The following TBCD variants were observed in gnomAD, a reference collection of about 807,000 sequenced individuals.
The protein encoded by TBCD is tubulin folding cofactor D.
TBCD carries 105 observed loss-of-function variants against 169.3 expected under a neutral mutation model. The observed-to-expected ratio is 0.62, with a 90% CI of 0.53 to 0.73. The LOEUF is 0.73. Ranked by LOEUF, TBCD falls within the 30% of genes least tolerant of loss-of-function variation. TBCD has a pLI of 0.00. For synonymous variants in TBCD, 700 were observed against 643.9 expected (o/e 1.09, Z -1.32); for missense variants, 1,444 against 1,600.1 (o/e 0.90, Z 1.66).
intron 17 of TBCD, among the ~76,000 whole-genome samples, chr17:82,898,973 C>A (rs977741722): frequency 2.6e-5 from 4 of 152,266 alleles, no homozygotes; most frequent in Non-Finnish European, 5.9e-5. Flanking sequence ...TCCTTCCCCC[C>A]AGCCTGTGTG....
rs943627683 is a variant in TBCD, at chr17:82,806,320, T to A, written c.1087+309T>A. Among the ~76,000 whole-genome samples the A allele has an allele frequency of 2.0e-5, 3 of 152,096 alleles. No individual in the cohort carries two copies. Among genetic ancestry groups the A allele is most frequent in the African/African-American group, 7.2e-5 (3 of 41,408 alleles). ...GAAACAGTTCTCCCAGGAAATTGAGTTGGGGTCCCTGGGGCTCAGGTCTCT... is the reference window on the plus strand; with the variant it reads ...GAAACAGTTCTCCCAGGAAATTGAGATGGGGTCCCTGGGGCTCAGGTCTCT... On this transcript the variant is annotated intron_variant, in intron 10 of 38. Coordinates refer to ENST00000355528, the MANE Select transcript of TBCD (RefSeq NM_005993.5). The surrounding 1 kb of genome is among the most constrained non-coding windows in gnomAD (Gnocchi z 5.1).
Position 82,874,068 on chromosome 17 carries a change from C to A in TBCD, c.1475+3688C>A, listed in dbSNP as rs537701862. Reference sequence around the variant, plus strand: ...ACGTGTGGACCGGCACGGGCATGGTCGTGGTCTGCCCAGCTGGGTGTGGGG... The same window carrying A: ...ACGTGTGGACCGGCACGGGCATGGTAGTGGTCTGCCCAGCTGGGTGTGGGG... On this transcript the variant is annotated intron_variant, in intron 14 of 38. Coordinates refer to ENST00000355528, the MANE Select transcript of TBCD (RefSeq NM_005993.5). This position sits in a 1 kb window ranked among gnomAD's most constrained non-coding sequence, Gnocchi z 5.0. 6.6e-6 allele frequency among the ~76,000 whole-genome samples: 1 copy of A among 152,290 alleles called. No homozygotes were observed. Among genetic ancestry groups the A allele is most frequent in the African/African-American group, 2.4e-5 (1 of 41,566 alleles).
intron 36 of TBCD, among the ~76,000 whole-genome samples, chr17:82,938,468 C>T (rs2062820978): frequency 6.6e-6 from 1 of 152,226 alleles, no homozygotes; most frequent in South Asian, 2.1e-4. Context: ...ATCCCCAGCA[C>T]TCCCCGGCTA....
At chr17:82,770,246 T>C (rs1486958730) in intron 5 of TBCD, among the ~76,000 whole-genome samples, 1 of 152,226 alleles carries the variant, frequency 6.6e-6, no homozygotes, top group Admixed American at 6.5e-5. Context: ...TGTAATCTAA[T>C]TTAAAATTCT....
At chr17:82,775,266 T>C (rs1440882474) in intron 6 of TBCD, among the ~76,000 whole-genome samples, 1 of 152,172 alleles carries the variant, frequency 6.6e-6, no homozygotes, top group African/African-American at 2.4e-5. Flanking sequence ...GTGGAGCCTT[T>C]CTCCCCCTTG....
At chr17:82,899,476 G>A (rs1476856686) in intron 17 of TBCD, among the ~76,000 whole-genome samples, 4 of 152,138 alleles carry the variant, frequency 2.6e-5, no homozygotes, top group Admixed American at 1.3e-4. Context: ...TCCGCAGCGC[G>A]TGTGTCTGCA....
intron 24 of TBCD, 98 bp from the exon 25 acceptor site, chr17:82,921,403 G>T: frequency 1.0e-6 from 1 of 967,078 alleles, no homozygotes; most frequent in South Asian, 1.3e-5. Flanking sequence ...GGTTACCATC[G>T]ACTTTAAGAT....
chr17:82,871,974 C>T (rs563305146), intron 14 of TBCD, among the ~76,000 whole-genome samples: 270 of 152,266 alleles, frequency 1.8e-3, no homozygotes, highest in African/African-American at 5.7e-3. Flanking sequence ...GTGTAGGCTC[C>T]GAAGGGTCTC....
At chr17:82,761,978 C>T (rs1244534644) in intron 2 of TBCD, among the ~76,000 whole-genome samples, 1 of 151,672 alleles carries the variant, frequency 6.6e-6, no homozygotes, top group Non-Finnish European at 1.5e-5. Flanking sequence ...CCGCCCGCCT[C>T]AGCCTTCCAA....
intron 7 of TBCD, among the ~76,000 whole-genome samples, chr17:82,791,702 G>A (rs1045490098): frequency 1.3e-5 from 2 of 152,226 alleles, no homozygotes; most frequent in Admixed American, 6.5e-5. Flanking sequence ...AGGTCACTAC[G>A]TGGGCTGCTG....
intron 29 of TBCD, 86 bp from the exon 30 acceptor site, chr17:82,927,819 C>A (rs767404462): frequency 1.6e-6 from 2 of 1,241,304 alleles, no homozygotes; most frequent in Non-Finnish European, 2.3e-6. Flanking sequence ...GTGTCGAATT[C>A]ACACAGGCTG....
chr17:82,860,525 T>C (rs1336969098), intron 13 of TBCD: 2 of 856,530 alleles, frequency 2.3e-6, no homozygotes, highest in Admixed American at 6.2e-5. Context: ...TTACTTGGGA[T>C]TGCTTGAAAA....
chr17:82,937,657 G>T (rs1248852225), intron 35 of TBCD: 1 of 605,246 alleles, frequency 1.7e-6, no homozygotes, highest in East Asian at 2.8e-5. Flanking sequence ...CTGCCTCCCC[G>T]ATTCTCCTGT....
chr17:82,860,346 A>G, intron 13 of TBCD: 2 of 983,404 alleles, frequency 2.0e-6, no homozygotes, highest in African/African-American at 3.5e-5. Context: ...GGCCTTTCGC[A>G]GTGGTGGAGG....
At chr17:82,760,392 T>C (rs546328029) in intron 2 of TBCD, among the ~76,000 whole-genome samples, 40 of 152,344 alleles carry the variant, frequency 2.6e-4, no homozygotes, top group African/African-American at 9.6e-4. Flanking sequence ...ATGTCTCTAA[T>C]TATTCACATC....
Position 82,929,379 on chromosome 17 carries a change from T to C in TBCD, c.2870T>C (p.Val957Ala), listed in dbSNP as rs1307531655. The C allele has an allele frequency of 6.2e-7, 1 of 1,612,998 alleles. No homozygotes were observed. Among genetic ancestry groups the C allele is most frequent in the East Asian group, 2.2e-5 (1 of 44,856 alleles). ...TCTTGCAGGTCCGATGTGGCCTCCG[T>C]GAACTGGAGTGCACCTTCCCAGGCC... Reference protein sequence around the residue: ...KLFPRSDVASVNWSAPSQAFP... With the variant: ...KLFPRSDVASANWSAPSQAFP... Residue 957 changes from valine (V) to alanine (A), a missense_variant, in exon 32 of 39, where the codon GTG becomes GCG. By Grantham distance (64) the Val-to-Ala change is moderately conservative. Transcript: ENST00000355528.
rs754912961 is a variant in TBCD, at chr17:82,814,882, G to A, written c.1266G>A (p.Ala422=). 41 of 1,613,532 alleles carry A rather than the reference G, an allele frequency of 2.5e-5. No homozygotes were observed. Among genetic ancestry groups the A allele is most frequent in the Middle Eastern group, 1.7e-4 (1 of 6,060 alleles). Residue 422 remains alanine, a synonymous_variant, in exon 13 of 39, where the codon GCG becomes GCA. Coordinates refer to ENST00000355528, the MANE Select transcript of TBCD (RefSeq NM_005993.5). Reference sequence around the variant, plus strand: ...AGGCGTGGCATGGGGGATGTCTGGCGCTGGCAGAGCTGGGCAGGAGAGGCC... The same window carrying A: ...AGGCGTGGCATGGGGGATGTCTGGCACTGGCAGAGCTGGGCAGGAGAGGCC... ...TDKAWHGGCL[A]LAELGRRGLL...
chr17:82,876,699 C>T (rs1465447490), intron 14 of TBCD, among the ~76,000 whole-genome samples: 6 of 152,182 alleles, frequency 3.9e-5, no homozygotes, highest in East Asian at 1.9e-4. Context: ...TTAAAAACAG[C>T]GTTTCTCAGG....
intron 14 of TBCD, among the ~76,000 whole-genome samples, chr17:82,877,169 G>A (rs1008788774): frequency 2.0e-5 from 3 of 152,196 alleles, no homozygotes; most frequent in Admixed American, 2.0e-4. Flanking sequence ...TGTTCCTCTT[G>A]TGGCAAATGT....
Sources: allele counts gnomAD v4.1 joint callset (sites outside exome capture counted in the v4.1 genomes callset), GRCh38; gene constraint gnomAD v4.1.1; non-coding constraint Gnocchi (gnomAD v3.1); transcripts MANE v1.5; gene names NCBI Gene and HGNC (gene_info 2026-07-23, HGNC 2026-07-21).